Variants in ALX3 observed in about 807,000 individuals in gnomAD.
ALX3 encodes homeobox protein aristaless-like 3.
A neutral mutation model predicts 26.3 loss-of-function variants in ALX3; 17 were observed. The observed-to-expected ratio is 0.65, with a 90% CI of 0.44 to 0.97. The LOEUF is 0.97. Among genes scored for constraint, ALX3 ranks in the 50% least tolerant of loss-of-function variants. ALX3 has a pLI of 0.00. For missense variants in ALX3, 461 were observed against 466.5 expected (o/e 0.99, Z 0.11); for synonymous variants, 208 against 201.4 (o/e 1.03, Z -0.28).
rs539632274 is a variant in ALX3 at position 110,064,197 on chromosome 1, C to T, written c.594+390G>A. ...TCAGCACTTCACCGCTTCCAAAATGCGGCCATCCCTGTGATCCTCAGGATA... is the reference window on the plus strand; with the variant it reads ...TCAGCACTTCACCGCTTCCAAAATGTGGCCATCCCTGTGATCCTCAGGATA... On this transcript the variant is annotated intron_variant, in intron 2 of 3. Coordinates refer to ENST00000647563, the MANE Select transcript of ALX3 (RefSeq NM_006492.3). Among the ~76,000 whole-genome samples, 4 of 152,324 alleles carry T rather than the reference C, an allele frequency of 2.6e-5. No homozygotes were observed. In the South Asian group the frequency reaches 8.3e-4, roughly 32 times the overall value.
At chr1:110,064,934 C>T (rs1421560913) in intron 1 of ALX3, 31 bp from the exon 2 acceptor site, 1 of 1,570,860 alleles carries the variant, frequency 6.4e-7, no homozygotes, top group East Asian at 2.3e-5. Flanking sequence ...GGGAGGATGG[C>T]AACTGAACCA....
chr1:110,060,028 T>A lies in ALX3; in HGVS notation c.*705A>T, dbSNP rs1653590318. 6.6e-6 allele frequency: 1 copy of A among 151,882 alleles called. No homozygotes were observed. The highest frequency in any genetic ancestry group is 1.5e-5 in the Non-Finnish European group (1 of 67,956). The allele number at this position is 151,882 out of a possible 1,614,324, so 9.4% of individuals were successfully genotyped here. A position where few individuals can be genotyped will look rare whatever the true frequency, so the allele number is the denominator to read the frequency against. On this transcript the variant is annotated 3_prime_UTR_variant, in exon 4 of 4. Coordinates refer to ENST00000647563, the MANE Select transcript of ALX3 (RefSeq NM_006492.3). The stretch of plus-strand genomic sequence containing the variant: ...GAAATCTGTTTTATTCTTACCAACA[T>A]CCAATATCATTTCCATGGCATAGCT...
Position 110,060,959 on chromosome 1 carries a change from G to C in ALX3, c.806C>G (p.Pro269Arg), listed in dbSNP as rs766147329. 1.2e-6 allele frequency: 2 copies of C among 1,613,010 alleles called. No individual in the cohort carries two copies. The highest frequency in any genetic ancestry group is 1.7e-6 in the Non-Finnish European group (2 of 1,179,674). The change falls in exon 4 of 4, where the codon CCA becomes CGA. Residue 269 changes from proline (P) to arginine (R), a missense_variant. By Grantham distance (103) the Pro-to-Arg change is moderately radical (BLOSUM62 -2). Around this residue, in one of 3 missense-constraint regions of ALX3, gnomAD observed 169 missense variants for 178.0 expected, o/e 0.95. Transcript: ENST00000647563. Reference protein sequence around the residue: ...CLVSPEGIPSPCMSPYSHPHG... With the variant: ...CLVSPEGIPSRCMSPYSHPHG... The stretch of plus-strand genomic sequence containing the variant: ...GGGGTGGGAATATGGAGACATGCAT[G>C]GGGAGGGGATGCCCTCTGGAGACAC...
chr1:110,060,755 C>T lies in ALX3; in HGVS notation c.1010G>A (p.Gly337Asp). 1 of 1,504,648 alleles carries T rather than the reference C, an allele frequency of 6.6e-7. No individual in the cohort carries two copies. Among genetic ancestry groups the T allele is most frequent in the Non-Finnish European group, 8.9e-7 (1 of 1,125,138 alleles). 93.2% of individuals were successfully genotyped at this position (1,504,648 alleles called of 1,614,324 possible). A position where few individuals can be genotyped will look rare whatever the true frequency, so the allele number is the denominator to read the frequency against. ...CGATCACGTGGTCCAGTTCAGAAGG[C>T]CGGGTGGCTCCTTGGGCTTTACCCT... ...SLRVKPKEPPGLLNWTT is the reference protein window; with the variant it reads ...SLRVKPKEPPDLLNWTT The change falls in exon 4 of 4, where the codon GGC (glycine) becomes GAC (aspartate). Residue 337 changes from glycine to aspartate, a missense_variant. By Grantham distance (94) the Gly-to-Asp change is moderately conservative (BLOSUM62 -1). This residue lies in a region of ALX3 where 169 missense variants were observed against 178.0 expected (regional missense o/e 0.95). Coordinates refer to ENST00000647563, the MANE Select transcript of ALX3 (RefSeq NM_006492.3).
intron 2 of ALX3, among the ~76,000 whole-genome samples, chr1:110,063,213 T>G (rs1444201171): frequency 6.6e-6 from 1 of 152,170 alleles, no homozygotes; most frequent in African/African-American, 2.4e-5. Flanking sequence ...ACACTTGCTT[T>G]GGGAAGAGCT....
At chr1:110,070,040 A>C (rs3768470) in intron 1 of ALX3, among the ~76,000 whole-genome samples, 1 of 151,914 alleles carries the variant, frequency 6.6e-6, no homozygotes, top group Non-Finnish European at 1.5e-5. Context: ...CCCAGGTCCA[A>C]CTGCTTTCGG....
At chr1:110,062,643 G>GCGCGCGCGCGCGCGCGCGCGCGCGC (rs1557802205) in intron 2 of ALX3, 3 of 1,980 alleles carry the variant, frequency 1.5e-3, no homozygotes, top group African/African-American at 9.9e-3. Context: ...GTGTGTGTGT[G>GCGCGCGCGCGCGCGCGCGCGCGCGC]TGGAGTAATC....
chr1:110,066,802 C>T (rs1006142689), intron 1 of ALX3, among the ~76,000 whole-genome samples: 1 of 152,184 alleles, frequency 6.6e-6, no homozygotes, highest in Non-Finnish European at 1.5e-5. Context: ...GCTCATCTGC[C>T]TCTTGGGTCT....
At position 110,066,572 on chromosome 1, in the gene ALX3, T is replaced by TCCCC. The variant is rs71580517; in HGVS notation, c.278-1673_278-1670dup. 2.6e-3 allele frequency among the ~76,000 whole-genome samples: 188 copies of TCCCC among 72,556 alleles called. 14 individuals carry two copies. The highest frequency in any genetic ancestry group is 0.016 in the East Asian group (31 of 1,884). The allele number at this position is 72,556 out of a possible 152,430, so 47.6% of individuals were successfully genotyped here. A position where few individuals can be genotyped will look rare whatever the true frequency, so the allele number is the denominator to read the frequency against. On this transcript the variant is annotated intron_variant, in intron 1 of 3. Transcript: ENST00000647563. ...AGACTAGGGACACTGGAATGGGACA[T>TCCCC]CCCCCCCCCCCGCCCCCGCCACCCC...
chr1:110,062,820 C>T (rs188066058), intron 2 of ALX3, among the ~76,000 whole-genome samples: 2 of 152,206 alleles, frequency 1.3e-5, no homozygotes, highest in Admixed American at 1.3e-4. Flanking sequence ...AGGCCACCCC[C>T]ACCTGCCCAG....
intron 1 of ALX3, among the ~76,000 whole-genome samples, chr1:110,069,257 A>C (rs1653862238): frequency 6.6e-6 from 1 of 151,736 alleles, no homozygotes. Context: ...ACACATTCCC[A>C]CCGCCCCGGC....
Position 110,070,567 on chromosome 1 carries a change from C to T in ALX3, c.46G>A (p.Gly16Ser). 1 of 1,307,732 alleles carries T rather than the reference C, an allele frequency of 7.6e-7. No individual in the cohort carries two copies. Among genetic ancestry groups the T allele is most frequent in the Non-Finnish European group, 9.7e-7 (1 of 1,026,172 alleles). 81.0% of individuals were successfully genotyped at this position (1,307,732 alleles called of 1,614,324 possible). The change falls in exon 1 of 4, where the codon GGC becomes AGC. Residue 16 changes from glycine (G) to serine (S), a missense_variant. Gly to Ser is a moderately conservative substitution (Grantham distance 56, BLOSUM62 0). Transcript: ENST00000647563. ...TCGTCCCCCGAGGCCACATAGGGGC[C>T]GGGTGCAGGCCCCACGCGGAAAGGC... is the stretch of plus-strand genomic sequence containing the variant. ...CAPFRVGPAP[G>S]PYVASGDEPP...
rs151226585 is a variant in ALX3 at position 110,062,122 on chromosome 1, G to A, written c.595-559C>T. On this transcript the variant is annotated intron_variant, in intron 2 of 3. Transcript: ENST00000647563. ...CCAGGCAAACACATTTATTCTTCTG[G>A]TTGCCTCCCAAGCTCCCGCCCAGCT... is the stretch of plus-strand genomic sequence containing the variant. 7.3e-3 allele frequency: 1,127 copies of A among 154,124 alleles called. 9 individuals are homozygous for A. The highest frequency in any genetic ancestry group is 9.0e-3 in the Non-Finnish European group (623 of 69,224). 9.5% of individuals were successfully genotyped at this position (154,124 alleles called of 1,614,324 possible).
chr1:110,061,711 C>G, intron 2 of ALX3, 148 bp from the exon 3 acceptor site: 1 of 1,283,530 alleles, frequency 7.8e-7, no homozygotes, highest in Non-Finnish European at 1.1e-6. Context: ...ACACTGTTCT[C>G]CAGGCCAGGG....
intron 2 of ALX3, among the ~76,000 whole-genome samples, chr1:110,064,072 C>CA (rs1653720916): frequency 6.6e-6 from 1 of 152,036 alleles, no homozygotes; most frequent in African/African-American, 2.4e-5. Flanking sequence ...GACCCAAGGT[C>CA]GGTGGCTCCT....
intron 1 of ALX3, among the ~76,000 whole-genome samples, chr1:110,066,702 AAG>A (rs902530355): frequency 6.6e-6 from 1 of 151,786 alleles, no homozygotes; most frequent in Non-Finnish European, 1.5e-5. Context: ...CCAGGCAGAA[AAG>A]GGGTGAGGGT....
chr1:110,061,036 C>A lies in ALX3; in HGVS notation c.729G>T (p.Gln243His). 1.2e-6 allele frequency: 2 copies of A among 1,607,082 alleles called. No homozygotes were observed. Among genetic ancestry groups the A allele is most frequent in the Non-Finnish European group, 1.7e-6 (2 of 1,177,620 alleles). ...LPRTDSHPQL[Q>H]NSLWASPGSG... is the part of the protein sequence containing the mutation. ...ATCCTGGACTGGCCCACAGGGAGTT[C>A]TGCAGCTGAAAAGAGAGGGAAAGAA... Residue 243 changes from glutamine (Q) to histidine (H), a missense_variant, in exon 4 of 4, where the codon CAG becomes CAT. Transcript: ENST00000647563.
intron 1 of ALX3, 33 bp from the exon 2 acceptor site, chr1:110,064,936 A>C (rs758631189): frequency 6.4e-7 from 1 of 1,570,384 alleles, no homozygotes; most frequent in Non-Finnish European, 8.6e-7. Flanking sequence ...GAGGATGGCA[A>C]CTGAACCAGG....
At chr1:110,068,621 C>G (rs1037855674) in intron 1 of ALX3, among the ~76,000 whole-genome samples, 1 of 152,200 alleles carries the variant, frequency 6.6e-6, no homozygotes, top group African/African-American at 2.4e-5. Context: ...AGTCTGCTCC[C>G]TCCCTCTTTG....
Sources: gnomAD v4.1 joint callset for allele counts (sites outside exome capture counted in the v4.1 genomes callset) on GRCh38, gnomAD v4.1.1 for gene constraint, gnomAD v4.1.1 regional missense constraint, MANE v1.5 for transcripts, NCBI Gene and HGNC (gene_info 2026-07-23, HGNC 2026-07-21) for gene names.